WDPCP: variants seen among roughly 807,000 people sequenced by gnomAD.
WDPCP encodes WD repeat containing planar cell polarity effector, also known as WD repeat-containing and planar cell polarity effector protein fritz homolog.
A neutral mutation model predicts 93.1 loss-of-function variants in WDPCP; 71 were observed. The ratio of observed to expected loss-of-function variants is 0.76; its 90% CI spans 0.63 to 0.93. The LOEUF (loss-of-function observed/expected upper bound fraction) is 0.93. Among genes scored for constraint, WDPCP ranks in the 40% least tolerant of loss-of-function variants. The probability of loss-of-function intolerance (pLI) is 0.00; values close to 1 mark genes in which losing one functional copy is unlikely to be tolerated. For synonymous variants in WDPCP, 315 were observed against 315.0 expected (o/e 1.00, Z 0.00); for missense variants, 844 against 887.4 (o/e 0.95, Z 0.62).
At chr2:63,140,483 T>G (rs938243625) in intron 17 of WDPCP, among the ~76,000 whole-genome samples, 1 of 152,196 alleles carries the variant, frequency 6.6e-6, no homozygotes, top group Non-Finnish European at 1.5e-5. Flanking sequence ...CATCTATGAT[T>G]TCTTTCAGCA....
chr2:63,409,956 A>T (rs4671503), intron 9 of WDPCP, among the ~76,000 whole-genome samples: 122,749 of 152,152 alleles, frequency 0.81, 50,185 homozygotes, highest in East Asian at 0.98. Context: ...TTGGAAAACA[A>T]AATTGGGAGA....
intron 3 of WDPCP, among the ~76,000 whole-genome samples, chr2:63,641,350 T>A (rs1709978298): frequency 6.6e-6 from 1 of 152,126 alleles, no homozygotes; most frequent in Admixed American, 6.5e-5. Context: ...TATATTTAGA[T>A]GTTTGAGGAA....
chr2:63,707,897 G>T (rs1342038100), intron 2 of WDPCP, among the ~76,000 whole-genome samples: 3 of 152,218 alleles, frequency 2.0e-5, no homozygotes, highest in Non-Finnish European at 4.4e-5. Flanking sequence ...GTCCACTCCA[G>T]ACCCTGTTTG....
chr2:63,172,503 G>GC (rs1218622736), intron 15 of WDPCP, among the ~76,000 whole-genome samples: 5 of 151,504 alleles, frequency 3.3e-5, no homozygotes, highest in South Asian at 2.1e-4. Flanking sequence ...CTGAGATGCC[G>GC]CCCCCCACCC....
intron 17 of WDPCP, among the ~76,000 whole-genome samples, chr2:63,125,819 C>T (rs1266863540): frequency 1.3e-5 from 2 of 152,010 alleles, no homozygotes; most frequent in African/African-American, 2.4e-5. Flanking sequence ...CCGTGTTGGC[C>T]GGGCTGGTCT....
chr2:63,723,586 G>C (rs1032845739), intron 2 of WDPCP, among the ~76,000 whole-genome samples: 1 of 152,216 alleles, frequency 6.6e-6, no homozygotes, highest in Non-Finnish European at 1.5e-5. Context: ...GCATTCTACA[G>C]ATAGTTGTTG....
intron 14 of WDPCP, among the ~76,000 whole-genome samples, chr2:63,181,777 GGTTT>G (rs1674259292): frequency 6.7e-6 from 1 of 149,020 alleles, no homozygotes; most frequent in Non-Finnish European, 1.5e-5. Flanking sequence ...ACATCTGTAT[GGTTT>G]TTTTTTAATG....
At chr2:63,335,251 A>AG (rs1688268554) in intron 12 of WDPCP, among the ~76,000 whole-genome samples, 1 of 152,124 alleles carries the variant, frequency 6.6e-6, no homozygotes, top group African/African-American at 2.4e-5. Context: ...TGAAGTCCCC[A>AG]GACCCTCTTT....
At chr2:63,333,077 C>G (rs1459982303) in intron 12 of WDPCP, among the ~76,000 whole-genome samples, 2 of 152,106 alleles carry the variant, frequency 1.3e-5, no homozygotes, top group African/African-American at 4.8e-5. Context: ...TTGGCCCACA[C>G]AGATATCCGA....
At chr2:63,303,519 G>GT (rs1685488240) in intron 13 of WDPCP, among the ~76,000 whole-genome samples, 1 of 152,174 alleles carries the variant, frequency 6.6e-6, no homozygotes, top group East Asian at 1.9e-4. Flanking sequence ...AAGACAGCAA[G>GT]GTTGGGGCTG....
chr2:63,519,820 A>T (rs1484634016), intron 1 of WDPCP, among the ~76,000 whole-genome samples: 1 of 152,184 alleles, frequency 6.6e-6, no homozygotes, highest in Non-Finnish European at 1.5e-5. Flanking sequence ...AACTCAAAAA[A>T]ACAGTGTCTT....
At chr2:63,131,037 A>G (rs1670259177) in intron 17 of WDPCP, among the ~76,000 whole-genome samples, 1 of 152,162 alleles carries the variant, frequency 6.6e-6, no homozygotes, top group Non-Finnish European at 1.5e-5. Context: ...AACTAGTTAC[A>G]TGAAATATTT....
At chr2:63,317,615 G>A (rs1686752829) in intron 12 of WDPCP, among the ~76,000 whole-genome samples, 1 of 152,006 alleles carries the variant, frequency 6.6e-6, no homozygotes, top group Non-Finnish European at 1.5e-5. Flanking sequence ...CCAAACACCT[G>A]CAACCAACCA....
At chr2:63,767,223 C>T (rs1409689216) in intron 2 of WDPCP, among the ~76,000 whole-genome samples, 1 of 151,926 alleles carries the variant, frequency 6.6e-6, no homozygotes, top group Non-Finnish European at 1.5e-5. Context: ...TGTATATATA[C>T]TTAATTTGCT....
At chr2:63,269,790 C>T (rs1054286310) in intron 13 of WDPCP, among the ~76,000 whole-genome samples, 3 of 152,102 alleles carry the variant, frequency 2.0e-5, no homozygotes, top group Non-Finnish European at 4.4e-5. Context: ...TAGTTCAAAT[C>T]CATTGATAAT....
chr2:63,345,497 G>A (rs1444617837), intron 12 of WDPCP, among the ~76,000 whole-genome samples: 10 of 152,192 alleles, frequency 6.6e-5, no homozygotes, highest in Admixed American at 5.9e-4. Flanking sequence ...AGGAAGGCTA[G>A]TGAAAGACTG....
chr2:63,214,145 C>G (rs1247457927), intron 14 of WDPCP, among the ~76,000 whole-genome samples: 1 of 152,094 alleles, frequency 6.6e-6, no homozygotes, highest in Non-Finnish European at 1.5e-5. Flanking sequence ...ATCCTGATAC[C>G]AAAGCCTGGC....
upstream of WDPCP, among the ~76,000 whole-genome samples, chr2:63,592,013 G>T (rs1709209333): frequency 6.6e-6 from 1 of 152,288 alleles, no homozygotes; most frequent in African/African-American, 2.4e-5. Context: ...AACACAGAAA[G>T]TCTGGCTCCA....
chr2:63,795,801 T>C (rs1670606185), intron 2 of WDPCP, among the ~76,000 whole-genome samples: 1 of 152,320 alleles, frequency 6.6e-6, no homozygotes, highest in Non-Finnish European at 1.5e-5. Flanking sequence ...ATAGTATGTG[T>C]GGCATGAAAC....
Sources: allele counts gnomAD v4.1 joint callset (sites outside exome capture counted in the v4.1 genomes callset), GRCh38; gene constraint gnomAD v4.1.1; transcripts MANE v1.5; gene names NCBI Gene and HGNC (gene_info 2026-07-23, HGNC 2026-07-21).